Variants in LRRC37A2 observed in about 807,000 individuals in gnomAD.
The protein encoded by LRRC37A2 is leucine rich repeat containing 37 member A2, also known as leucine-rich repeat-containing protein 37A2.
LRRC37A2 carries 9 observed loss-of-function variants against 68.8 expected under a neutral mutation model. The ratio of observed to expected loss-of-function variants is 0.13; its 90% CI spans 0.08 to 0.23. The LOEUF (loss-of-function observed/expected upper bound fraction) is 0.23. LRRC37A2 is among the 10% of genes least tolerant of loss of function. The pLI is 1.00. For missense variants in LRRC37A2, 168 were observed against 950.4 expected, an observed-to-expected ratio of 0.18 and a Z score of 10.82; for synonymous variants, 63 against 367.6, an observed-to-expected ratio of 0.17 and a Z score of 9.48.
chr17:46,835,561 A>G, the LRRC37A2 span, among the ~76,000 whole-genome samples: 1 of 152,070 alleles, frequency 6.6e-6, no homozygotes, highest in Non-Finnish European at 1.5e-5. Context: ...TCTTAGGTCC[A>G]CCCTCACCTC....
the LRRC37A2 span, among the ~76,000 whole-genome samples, chr17:46,846,487 T>C: frequency 6.6e-6 from 1 of 152,162 alleles, no homozygotes; most frequent in Admixed American, 6.5e-5. Context: ...ACAGTGTATA[T>C]CAACATAGGC....
the LRRC37A2 span, among the ~76,000 whole-genome samples, chr17:46,733,779 A>G: frequency 6.6e-6 from 1 of 152,248 alleles, no homozygotes; most frequent in Non-Finnish European, 1.5e-5. Flanking sequence ...TTACAAAAGA[A>G]GAATTACCAC....
chr17:47,026,828 G>C, the LRRC37A2 span, among the ~76,000 whole-genome samples: 2 of 152,186 alleles, frequency 1.3e-5, no homozygotes, highest in African/African-American at 4.8e-5. Context: ...TGATGTGAAA[G>C]GATGTCTTTT....
chr17:46,803,202 A>G, the LRRC37A2 span, among the ~76,000 whole-genome samples: 1 of 152,220 alleles, frequency 6.6e-6, no homozygotes, highest in Non-Finnish European at 1.5e-5. Context: ...AAAGCAGAGG[A>G]AAGACAGTTT....
chr17:46,915,453 G>A, the LRRC37A2 span, among the ~76,000 whole-genome samples: 1 of 152,156 alleles, frequency 6.6e-6, no homozygotes, highest in South Asian at 2.1e-4. Flanking sequence ...ATATTCTGTT[G>A]GTCCAGGAAG....
chr17:47,007,668 A>G, the LRRC37A2 span, among the ~76,000 whole-genome samples: 1 of 152,024 alleles, frequency 6.6e-6, no homozygotes, highest in Non-Finnish European at 1.5e-5. Flanking sequence ...GGAATGCTAC[A>G]TTTTCTAGGA....
the LRRC37A2 span, among the ~76,000 whole-genome samples, chr17:46,741,594 AAAAAG>A: frequency 6.6e-6 from 1 of 152,068 alleles, no homozygotes; most frequent in Non-Finnish European, 1.5e-5. Flanking sequence ...ACTGCAAAAA[AAAAAG>A]AAAAGAAAAA....
At chr17:46,816,514 CA>C in the LRRC37A2 span, among the ~76,000 whole-genome samples, 1 of 141,636 alleles carries the variant, frequency 7.1e-6, no homozygotes, top group Non-Finnish European at 1.5e-5. Context: ...CACACACACA[CA>C]CCTCTCTCCT....
the LRRC37A2 span, chr17:46,876,951 G>T: frequency 3.8e-6 from 5 of 1,312,506 alleles, no homozygotes; most frequent in African/African-American, 1.5e-5. Context: ...CCCCAACCTT[G>T]TTGAGGACTT....
At chr17:46,737,908 ATATTATTATTATTATTATTAT>A in the LRRC37A2 span, among the ~76,000 whole-genome samples, 115 of 145,756 alleles carry the variant, frequency 7.9e-4, no homozygotes, top group Non-Finnish European at 1.2e-3. Flanking sequence ...TAAAATTAGC[ATATTATTATTATTATTATTAT>A]TATTATTATT....
chr17:46,874,945 G>A, the LRRC37A2 span: 34 of 1,166,040 alleles, frequency 2.9e-5, no homozygotes, highest in African/African-American at 1.2e-4. Flanking sequence ...AGACCCACCC[G>A]GAGCTGTGTC....
chr17:46,440,402 T>A, the LRRC37A2 span, among the ~76,000 whole-genome samples: 3,925 of 79,306 alleles, frequency 0.049, 932 homozygotes, highest in African/African-American at 0.12. Context: ...ATTTTATTTT[T>A]TTTTTTTTTG....
chr17:46,959,997 G>A, the LRRC37A2 span, among the ~76,000 whole-genome samples: 1 of 152,212 alleles, frequency 6.6e-6, no homozygotes, highest in Non-Finnish European at 1.5e-5. Context: ...CAGCAGTAGA[G>A]TCCAGAAACT....
chr17:46,794,761 T>C, the LRRC37A2 span, among the ~76,000 whole-genome samples: 1 of 150,570 alleles, frequency 6.6e-6, no homozygotes, highest in East Asian at 1.9e-4. Flanking sequence ...TCTTTTTTTT[T>C]TTTTTTTTTA....
the LRRC37A2 span, chr17:46,704,715 T>C: frequency 6.3e-7 from 1 of 1,590,316 alleles, no homozygotes; most frequent in South Asian, 1.2e-5. Flanking sequence ...TTAACTATTC[T>C]TAAATCTTGG....
At chr17:46,741,489 T>TAAA in the LRRC37A2 span, among the ~76,000 whole-genome samples, 1 of 152,274 alleles carries the variant, frequency 6.6e-6, no homozygotes, top group African/African-American at 2.4e-5. Context: ...TGCTTCAGGG[T>TAAA]AAAATCTAAT....
chr17:46,768,030 C>T, the LRRC37A2 span, among the ~76,000 whole-genome samples: 1 of 152,160 alleles, frequency 6.6e-6, no homozygotes, highest in Non-Finnish European at 1.5e-5. This position sits in a 1 kb window ranked among gnomAD's most constrained non-coding sequence, Gnocchi z 5.0. Context: ...TCAGGTGATC[C>T]GTCCACCTCG....
chr17:46,808,645 T>C, the LRRC37A2 span, among the ~76,000 whole-genome samples: 1 of 152,182 alleles, frequency 6.6e-6, no homozygotes, highest in African/African-American at 2.4e-5. Context: ...TAGCACATGG[T>C]CAACAAACGT....
At chr17:46,875,518 A>G in the LRRC37A2 span, 2 of 1,136,452 alleles carry the variant, frequency 1.8e-6, no homozygotes, top group Non-Finnish European at 1.2e-6. Flanking sequence ...TTCAACCAGC[A>G]TTCCCTTGGC....
Sources: allele counts gnomAD v4.1 joint callset (sites outside exome capture counted in the v4.1 genomes callset), GRCh38; gene constraint gnomAD v4.1.1; non-coding constraint Gnocchi (gnomAD v3.1); transcripts MANE v1.5; gene names NCBI Gene and HGNC (gene_info 2026-07-23, HGNC 2026-07-21).